TACC2: variants seen among roughly 807,000 people sequenced by gnomAD.
TACC2 encodes transforming acidic coiled-coil-containing protein 2.
Under a neutral mutation model 227.3 loss-of-function variants are expected in TACC2, and 137 were observed. The observed-to-expected ratio is 0.60, with a 90% confidence interval of 0.52 to 0.69. TACC2 has a LOEUF of 0.69. TACC2 is among the 30% of genes least tolerant of loss of function. The pLI is 0.00. For synonymous variants in TACC2, 1,523 were observed against 1,487.5 expected, an observed-to-expected ratio of 1.02 and a Z score of -0.55; for missense variants, 3,470 against 3,694.4, an observed-to-expected ratio of 0.94 and a Z score of 1.57.
At chr10:122,079,576 G>C (rs2136993340) in intron 3 of TACC2, among the ~76,000 whole-genome samples, 1 of 152,318 alleles carries the variant, frequency 6.6e-6, no homozygotes, top group South Asian at 2.1e-4. Flanking sequence ...ATGAGTGCAG[G>C]GGTGGTTCTG....
At chr10:122,069,601 A>G (rs1357271616) in intron 3 of TACC2, among the ~76,000 whole-genome samples, 1 of 152,088 alleles carries the variant, frequency 6.6e-6, no homozygotes, top group Non-Finnish European at 1.5e-5. Context: ...CTTCCTTAGC[A>G]GCTAATCCTC....
At position 122,142,085 on chromosome 10, in the gene TACC2, G is replaced by A. The variant is rs147444878; in HGVS notation, c.5700-1487G>A. 7.7e-3 allele frequency among the ~76,000 whole-genome samples: 1,173 copies of A among 152,338 alleles called. 12 individuals carry two copies. Among genetic ancestry groups the A allele is most frequent in the African/African-American group, 0.022 (905 of 41,590 alleles). On this transcript the variant is annotated intron_variant, in intron 6 of 22. Transcript: ENST00000369005. Reference sequence around the variant, plus strand: ...AAAGGAGGCCAGTCACTCCATCTGTGAATCCACTTTGCTGTTTTGCTGGGT... The same window carrying A: ...AAAGGAGGCCAGTCACTCCATCTGTAAATCCACTTTGCTGTTTTGCTGGGT...
chr10:122,095,138 C>T (rs1256699374), intron 5 of TACC2, among the ~76,000 whole-genome samples: 1 of 152,142 alleles, frequency 6.6e-6, no homozygotes, highest in East Asian at 1.9e-4. Context: ...GCAAGTTTCC[C>T]CCCAGATGCC....
intron 9 of TACC2, among the ~76,000 whole-genome samples, chr10:122,213,585 G>A (rs2095341652): frequency 2.6e-5 from 4 of 152,200 alleles, no homozygotes; most frequent in Admixed American, 2.6e-4. Context: ...CTGCTTGGCT[G>A]TGAAAATGTG....
intron 5 of TACC2, among the ~76,000 whole-genome samples, chr10:122,107,966 ACTGCAAGCTCCGCCTC>A (rs2137878771): frequency 7.2e-6 from 1 of 139,068 alleles, no homozygotes; most frequent in Admixed American, 8.2e-5. Flanking sequence ...ATCTTGGCTC[ACTGCAAGCTCCGCCTC>A]CTGGGTTCAC....
intron 5 of TACC2, among the ~76,000 whole-genome samples, chr10:122,121,919 G>T (rs1298911458): frequency 6.6e-6 from 1 of 152,180 alleles, no homozygotes; most frequent in African/African-American, 2.4e-5. Flanking sequence ...AGGAGCTATG[G>T]CATGCCCACT....
At position 122,021,250 on chromosome 10, in the gene TACC2, A is replaced by G. The variant is rs367562929; in HGVS notation, c.-45-687A>G. On this transcript the variant is annotated intron_variant, in intron 1 of 22. Transcript: ENST00000369005. ...TCTCGAAAAAAAAAAGGCGGGGGGG[A>G]AGAAAGATCATTAATAAACCATGTC... Among the ~76,000 whole-genome samples, 779 of 145,232 alleles carry G rather than the reference A, an allele frequency of 5.4e-3. 11 individuals are homozygous for G. Among genetic ancestry groups the G allele is most frequent in the African/African-American group, 0.019 (732 of 38,576 alleles).
At chr10:122,128,076 T>C (rs2087231140) in intron 5 of TACC2, among the ~76,000 whole-genome samples, 1 of 151,324 alleles carries the variant, frequency 6.6e-6, no homozygotes, top group African/African-American at 2.4e-5. Context: ...GGTGAGTGGG[T>C]AAGTAGAAGT....
intron 3 of TACC2, among the ~76,000 whole-genome samples, chr10:122,072,585 C>T (rs1218263701): frequency 1.3e-5 from 2 of 152,154 alleles, no homozygotes; most frequent in Non-Finnish European, 2.9e-5. Flanking sequence ...CAGTTTTTCT[C>T]TCCTATTAAC....
intron 5 of TACC2, among the ~76,000 whole-genome samples, chr10:122,112,662 G>A (rs923223241): frequency 5.3e-5 from 8 of 152,196 alleles, no homozygotes; most frequent in Admixed American, 2.0e-4. Context: ...GACCTTCCCA[G>A]TCCGTTCTCA....
chr10:122,251,513 G>A (rs2096254552), intron 22 of TACC2, among the ~76,000 whole-genome samples: 1 of 152,050 alleles, frequency 6.6e-6, no homozygotes, highest in Non-Finnish European at 1.5e-5. Context: ...TTGGTGACTT[G>A]AAAAATGGAA....
chr10:122,083,140 T>C lies in TACC2; in HGVS notation c.640T>C (p.Cys214Arg). The C allele has an allele frequency of 6.2e-7, 1 of 1,613,068 alleles. No individual in the cohort carries two copies. Among genetic ancestry groups the C allele is most frequent in the Non-Finnish European group, 8.5e-7 (1 of 1,179,996 alleles). Reference protein sequence around the residue: ...PLREPMKAPLCGEGDQPGGFE... With the variant: ...PLREPMKAPLRGEGDQPGGFE... The stretch of plus-strand genomic sequence containing the variant: ...CAGAGAGCCAATGAAGGCACCGCTG[T>C]GTGGAGAGGGGGACCAGCCTGGTGG... The change falls in exon 4 of 23, where the codon TGT becomes CGT. Residue 214 changes from cysteine to arginine, a missense_variant. By Grantham distance (180) the Cys-to-Arg change is radical. Coordinates refer to ENST00000369005, the MANE Select transcript of TACC2 (RefSeq NM_206862.4).
intron 11 of TACC2, among the ~76,000 whole-genome samples, chr10:122,217,437 C>CTTTT (rs35233150): frequency 1.8e-4 from 17 of 93,228 alleles, no homozygotes; most frequent in Middle Eastern, 7.9e-3. Context: ...TTTCTTTTTT[C>CTTTT]TTTTTTTTTT....
At chr10:122,242,974 C>G (rs1167607889) in intron 19 of TACC2, among the ~76,000 whole-genome samples, 1 of 151,836 alleles carries the variant, frequency 6.6e-6, no homozygotes, top group Non-Finnish European at 1.5e-5. Context: ...GAGACCGTCT[C>G]GTTCTGTCAC....
chr10:122,132,692 G>A lies in TACC2; in HGVS notation c.5657G>A (p.Gly1886Asp), dbSNP rs1014587081. The change falls in exon 6 of 23, where the codon GGT becomes GAT. Residue 1886 changes from glycine to aspartate, a missense_variant. By Grantham distance (94) the Gly-to-Asp change is moderately conservative. Transcript: ENST00000369005. ...SPTLAASSYH[G>D]DVVGQVSTDL... ...ACCTTAGCTGCCTCTTCCTACCACGGTGATGTTGTTGGCCAGGTCTCTACG... is the reference window on the plus strand; with the variant it reads ...ACCTTAGCTGCCTCTTCCTACCACGATGATGTTGTTGGCCAGGTCTCTACG... 1.2e-6 allele frequency: 2 copies of A among 1,614,064 alleles called. No homozygotes were observed. The highest frequency in any genetic ancestry group is 1.7e-6 in the Non-Finnish European group (2 of 1,180,042).
At chr10:122,081,667 C>T (rs1017729596) in intron 3 of TACC2, among the ~76,000 whole-genome samples, 1 of 152,086 alleles carries the variant, frequency 6.6e-6, no homozygotes, top group African/African-American at 2.4e-5. Context: ...AGCCAAGTTC[C>T]CCCAAGTTCC....
intron 7 of TACC2, among the ~76,000 whole-genome samples, chr10:122,160,569 A>G (rs1592748275): frequency 6.6e-6 from 1 of 151,898 alleles, no homozygotes; most frequent in East Asian, 1.9e-4. Context: ...TTCTCTTTTT[A>G]TACGGGTATA....
rs377341447 is a variant in TACC2 at position 122,211,472 on chromosome 10, T to C, written c.7047T>C (p.Pro2349=). The C allele has an allele frequency of 2.5e-6, 4 of 1,613,814 alleles. No homozygotes were observed. In the African/African-American group the frequency reaches 5.3e-5, roughly 22 times the overall value. ...AGTGGGATGACCCCAATTTTAACCC[T>C]TTTTCTTCCACCTCAAAAATGCAGG... The part of the protein sequence containing the change: ...IDKWDDPNFN[P]FSSTSKMQES... Residue 2349 remains proline (P), a synonymous_variant, in exon 9 of 23, where the codon CCT becomes CCC. Coordinates refer to ENST00000369005, the MANE Select transcript of TACC2 (RefSeq NM_206862.4).
At chr10:122,055,493 A>T (rs1007652674) in intron 3 of TACC2, among the ~76,000 whole-genome samples, 6 of 152,158 alleles carry the variant, frequency 3.9e-5, no homozygotes, top group Non-Finnish European at 2.9e-5. Flanking sequence ...CTCACTTATA[A>T]GGGGAGCTAA....
Sources: gnomAD v4.1 joint callset for allele counts (sites outside exome capture counted in the v4.1 genomes callset) on GRCh38, gnomAD v4.1.1 for gene constraint, MANE v1.5 for transcripts, NCBI Gene and HGNC (gene_info 2026-07-23, HGNC 2026-07-21) for gene names.